The following RTL1 variants were observed in gnomAD, a reference collection of about 807,000 sequenced individuals.
RTL1 encodes retrotransposon Gag like 1.
For missense variants in RTL1, 1,681 were observed against 1,767.5 expected (o/e 0.95, Z 0.88); for synonymous variants, 727 against 748.4 (o/e 0.97, Z 0.47).
intron 3 of RTL1, among the ~76,000 whole-genome samples, chr14:100,892,815 C>A (rs1304532206): frequency 6.6e-6 from 1 of 152,092 alleles, no homozygotes; most frequent in Non-Finnish European, 1.5e-5. Flanking sequence ...TCAAATGAGT[C>A]TCTGAGTACC....
At position 100,884,560 on chromosome 14, in the gene RTL1, T is replaced by C; in HGVS notation, c.229A>G (p.Met77Val). 6.2e-7 allele frequency: 1 copy of C among 1,612,494 alleles called. No individual in the cohort carries two copies. Among genetic ancestry groups the C allele is most frequent in the Non-Finnish European group, 8.5e-7 (1 of 1,178,618 alleles). ...CGTGGGCCACTGGATGGCTCCTCCA[T>C]GTCTTGGAGTAGATCAGTGGGCAGC... Reference protein sequence around the residue: ...EELPTDLLQDMEEPSSGPRKE... With the variant: ...EELPTDLLQDVEEPSSGPRKE... Residue 77 changes from methionine (M) to valine (V), a missense_variant, in exon 4 of 4, where the codon ATG becomes GTG. By Grantham distance (21) the Met-to-Val change is conservative. Transcript: ENST00000649591.
chr14:100,900,126 C>G (rs531938758), intron 2 of RTL1, among the ~76,000 whole-genome samples: 3 of 152,350 alleles, frequency 2.0e-5, no homozygotes, highest in African/African-American at 7.2e-5. Context: ...AGTCAGACTT[C>G]TCCACAGGCA....
rs749477954 is a variant in RTL1 at position 100,883,172 on chromosome 14, C to T, written c.1617G>A (p.Pro539=). 6 of 1,581,082 alleles carry T rather than the reference C, an allele frequency of 3.8e-6. No homozygotes were observed. The highest frequency in any genetic ancestry group is 4.6e-5 in the East Asian group (2 of 43,908). The change falls in exon 4 of 4, where the codon CCG becomes CCA. Residue 539 remains proline (P), a synonymous_variant. Transcript: ENST00000649591. The surrounding 1 kb of genome is among the most constrained non-coding windows in gnomAD (Gnocchi z 5.9). The part of the protein sequence containing the change: ...YCLKNCFRPP[P]PCIALERHGM... ...CGTGCCTCTCTAGGGCAATGCATGG[C>T]GGGGGCGGGCGGAAGCAGTTCTTCA...
chr14:100,895,224 G>A (rs79298648), intron 2 of RTL1, among the ~76,000 whole-genome samples: 2,241 of 152,282 alleles, frequency 0.015, 56 homozygotes, highest in African/African-American at 0.051. Context: ...ATACAGATGT[G>A]CGTGGGGACA....
rs545657189 is a variant in RTL1 at position 100,882,225 on chromosome 14, C to T, written c.2564G>A (p.Cys855Tyr). Residue 855 changes from cysteine (C) to tyrosine (Y), a missense_variant, in exon 4 of 4, where the codon TGC becomes TAC. Physicochemically the swap from Cys to Tyr is radical, Grantham distance 194. Transcript: ENST00000649591. The part of the protein sequence containing the change: ...WGVEEQEAFE[C>Y]LKRAFRKAPL... The stretch of plus-strand genomic sequence containing the variant: ...CGCCTTGCGGAAAGCCCTCTTCAGG[C>T]ACTCGAAGGCCTCTTGCTCCTCGAC... The T allele has an allele frequency of 6.9e-5, 107 of 1,551,154 alleles. 2 individuals carry two copies. The South Asian group carries it at 1.2e-3, about 17-fold the overall frequency.
intron 2 of RTL1, chr14:100,895,097 A>C (rs1345940948): frequency 6.6e-6 from 1 of 152,260 alleles, no homozygotes; most frequent in Non-Finnish European, 1.5e-5. Context: ...AGGGTCTGAG[A>C]GGAGTCAGGG....
chr14:100,898,505 T>C (rs1433516296), intron 2 of RTL1, among the ~76,000 whole-genome samples: 1 of 152,272 alleles, frequency 6.6e-6, no homozygotes, highest in Non-Finnish European at 1.5e-5. Flanking sequence ...ACTGTCTTGC[T>C]TTAAAGCCTC....
rs574680629 is a variant in RTL1, at chr14:100,893,790, C to T, written c.-148-285G>A. Among the ~76,000 whole-genome samples the T allele has an allele frequency of 3.3e-5, 5 of 152,338 alleles. No homozygotes were observed. Among genetic ancestry groups the T allele is most frequent in the Admixed American group, 6.5e-5 (1 of 15,306 alleles). ...GCGAGGGCCTTCCTTTTATTATCCCCATTTTTCAGAAGAGGAATCCGAGGC... is the reference window on the plus strand; with the variant it reads ...GCGAGGGCCTTCCTTTTATTATCCCTATTTTTCAGAAGAGGAATCCGAGGC... On this transcript the variant is annotated intron_variant, in intron 2 of 3. Coordinates refer to ENST00000649591, the MANE Select transcript of RTL1 (RefSeq NM_001134888.3). This position sits in a 1 kb window ranked among gnomAD's most constrained non-coding sequence, Gnocchi z 4.2.
chr14:100,886,770 A>C (rs2140040760), intron 3 of RTL1, among the ~76,000 whole-genome samples: 1 of 152,332 alleles, frequency 6.6e-6, no homozygotes. Context: ...TCATCTGCAG[A>C]CTTATCTATC....
intron 2 of RTL1, chr14:100,897,861 G>C: frequency 4.7e-6 from 2 of 425,328 alleles, no homozygotes; most frequent in South Asian, 3.5e-5. Flanking sequence ...GAGTGTTTAT[G>C]ACATTATTAT....
chr14:100,889,216 C>T (rs181456319), intron 3 of RTL1, among the ~76,000 whole-genome samples: 56 of 152,296 alleles, frequency 3.7e-4, no homozygotes, highest in African/African-American at 1.0e-3. Context: ...AAAATCTCAA[C>T]GTGTTTTCAT....
chr14:100,882,115 G>C lies in RTL1; in HGVS notation c.2674C>G (p.Gln892Glu), dbSNP rs933197245. Residue 892 changes from glutamine (Q) to glutamate (E), a missense_variant, in exon 4 of 4, where the codon CAA (glutamine) becomes GAA (glutamate). Coordinates refer to ENST00000649591, the MANE Select transcript of RTL1 (RefSeq NM_001134888.3). ...CTCTTGCCGGTTTGGTCGTCGATTT[G>C]GATCAGGGAGGCGTGCAGGGCCGTG... Reference protein sequence around the residue: ...TGTALHASLIQIDDQTGKRAC... With the variant: ...TGTALHASLIEIDDQTGKRAC... 1 of 1,559,694 alleles carries C rather than the reference G, an allele frequency of 6.4e-7. No individual in the cohort carries two copies.
Position 100,880,494 on chromosome 14 carries a change from G to T in RTL1, c.*218C>A. On this transcript the variant is annotated 3_prime_UTR_variant, in exon 4 of 4. Transcript: ENST00000649591. The stretch of plus-strand genomic sequence containing the variant: ...AACGGAGAACTCGTAGCCCAGGGCT[G>T]GCGCTGGGTCTCTGAGGACTGGGTA... 2.1e-6 allele frequency: 1 copy of T among 476,654 alleles called. No homozygotes were observed. Among genetic ancestry groups the T allele is most frequent in the Non-Finnish European group, 2.7e-6 (1 of 365,132 alleles). 29.5% of individuals were successfully genotyped at this position (476,654 alleles called of 1,614,324 possible).
At position 100,881,965 on chromosome 14, in the gene RTL1, C is replaced by A; in HGVS notation, c.2824G>T (p.Glu942Ter). The A allele has an allele frequency of 6.2e-7, 1 of 1,613,752 alleles. No homozygotes were observed. The highest frequency in any genetic ancestry group is 8.5e-7 in the Non-Finnish European group (1 of 1,180,010). Residue 942 changes from glutamate to a stop codon, truncating the protein, a stop_gained, in exon 4 of 4, where the codon GAG becomes TAG. Transcript: ENST00000649591. LOFTEE classifies it low-confidence loss of function (END_TRUNC). The surrounding 1 kb of genome is among the most constrained non-coding windows in gnomAD (Gnocchi z 6.6). ...MVWCRYLENT[E>*]EPIMILLNTE... ...TTGAGAAGGATCATGATGGGCTCCT[C>A]GGTGTTCTCCAGGTAGCGGCACCAC...
intron 2 of RTL1, chr14:100,898,836 C>T (rs1421326299): frequency 6.6e-6 from 1 of 152,262 alleles, no homozygotes; most frequent in Non-Finnish European, 1.5e-5. Flanking sequence ...GAAGCCCTGA[C>T]CCTGGAAGTG....
chr14:100,884,776 A>C lies in RTL1; in HGVS notation c.13T>G (p.Ser5Ala). 6.4e-7 allele frequency: 1 copy of C among 1,574,540 alleles called. No homozygotes were observed. Among genetic ancestry groups the C allele is most frequent in the Non-Finnish European group, 8.6e-7 (1 of 1,160,738 alleles). Residue 5 changes from serine to alanine, a missense_variant, in exon 4 of 4, where the codon TCT becomes GCT. Physicochemically the swap from Ser to Ala is moderately conservative, Grantham distance 99. Coordinates refer to ENST00000649591, the MANE Select transcript of RTL1 (RefSeq NM_001134888.3). Reference protein sequence around the residue: MIEPSEDSFETMMEH... With the variant: MIEPAEDSFETMMEH... Reference sequence around the variant, plus strand: ...ATCATCGTCTCAAATGAGTCTTCAGAGGGTTCTATCATTTCGTCGGATGGA... The same window carrying C: ...ATCATCGTCTCAAATGAGTCTTCAGCGGGTTCTATCATTTCGTCGGATGGA...
Position 100,881,849 on chromosome 14 carries a change from G to A in RTL1, c.2940C>T (p.Asp980=). ...WVFFFSHFNF[D]VMELPEQDGG... ...CGTCTTGTTCTGGCAGCTCCATGACGTCAAAGTTGAAGTGGGAGAAGAAGA... is the reference window on the plus strand; with the variant it reads ...CGTCTTGTTCTGGCAGCTCCATGACATCAAAGTTGAAGTGGGAGAAGAAGA... Residue 980 remains aspartate, a synonymous_variant, in exon 4 of 4, where the codon GAC becomes GAT. Transcript: ENST00000649591. This position sits in a 1 kb window ranked among gnomAD's most constrained non-coding sequence, Gnocchi z 6.6. 4 of 1,613,856 alleles carry A rather than the reference G, an allele frequency of 2.5e-6. No homozygotes were observed. Among genetic ancestry groups the A allele is most frequent in the Middle Eastern group, 1.6e-4 (1 of 6,062 alleles).
In RTL1 at chr14:100,881,168, C is replaced by A; in HGVS notation, c.3621G>T (p.Gln1207His). 6.5e-7 allele frequency: 1 copy of A among 1,542,156 alleles called. No individual in the cohort carries two copies. Among genetic ancestry groups the A allele is most frequent in the Non-Finnish European group, 8.8e-7 (1 of 1,142,224 alleles). The change falls in exon 4 of 4, where the codon CAG (glutamine) becomes CAT (histidine). Residue 1207 changes from glutamine (Q) to histidine (H), a missense_variant. Transcript: ENST00000649591. This position sits in a 1 kb window ranked among gnomAD's most constrained non-coding sequence, Gnocchi z 6.6. ...CEFFGVRVTPQEGHLPALRQN... is the reference protein window; with the variant it reads ...CEFFGVRVTPHEGHLPALRQN... ...GACGCAGGGCAGGGAGGTGGCCCTC[C>A]TGGGGGGTGACTCTGACACCGAAGA... is the stretch of plus-strand genomic sequence containing the variant.
rs184291879 is a variant in RTL1, at chr14:100,897,005, A to C, written c.-148-3500T>G. On this transcript the variant is annotated intron_variant, in intron 2 of 3. Coordinates refer to ENST00000649591, the MANE Select transcript of RTL1 (RefSeq NM_001134888.3). ...CCTTTTAAAGACCAAAAAGTAAAGC[A>C]CTCCCCCGTGGGTGCTGGACAGCTT... 5.7e-3 allele frequency among the ~76,000 whole-genome samples: 865 copies of C among 151,722 alleles called. 6 individuals carry two copies. The highest frequency in any genetic ancestry group is 0.02 in the African/African-American group (822 of 41,332).
Sources: allele counts gnomAD v4.1 joint callset (sites outside exome capture counted in the v4.1 genomes callset), GRCh38; gene constraint gnomAD v4.1.1; non-coding constraint Gnocchi (gnomAD v3.1); transcripts MANE v1.5; gene names NCBI Gene and HGNC (gene_info 2026-07-23, HGNC 2026-07-21).